Variants in KCNJ12 observed in about 807,000 individuals in gnomAD.
KCNJ12 encodes ATP-sensitive inward rectifier potassium channel 12.
In KCNJ12, 2 loss-of-function variants were observed where a neutral mutation model predicts 22.3. That is an observed-to-expected ratio of 0.09 (90% CI 0.04 to 0.28). KCNJ12 has a LOEUF of 0.28. KCNJ12 is among the 10% of genes least tolerant of loss of function. KCNJ12 has a pLI of 1.00. For missense variants in KCNJ12, 155 were observed against 633.3 expected, an observed-to-expected ratio of 0.24 and a Z score of 8.11; for synonymous variants, 117 against 261.4, an observed-to-expected ratio of 0.45 and a Z score of 5.33.
At chr17:21,389,667 G>A (rs1905161144) in intron 1 of KCNJ12, among the ~76,000 whole-genome samples, 1 of 152,108 alleles carries the variant, frequency 6.6e-6, no homozygotes. Flanking sequence ...GGTGTGGTGG[G>A]GCAGGGACGG....
intron 1 of KCNJ12, among the ~76,000 whole-genome samples, chr17:21,404,711 CT>C (rs1905829056): frequency 6.6e-6 from 1 of 152,272 alleles, no homozygotes. Flanking sequence ...TGTAGGGCCT[CT>C]GTTCTCTGCT....
At position 21,416,529 on chromosome 17, in the gene KCNJ12, A is replaced by AGGACGGCCGAAGCCG. The variant is rs1906819455; in HGVS notation, c.1196_1210dup (p.Arg399_Gly403dup). 1 of 1,611,580 alleles carries AGGACGGCCGAAGCCG rather than the reference A, an allele frequency of 6.2e-7. No individual in the cohort carries two copies. The highest frequency in any genetic ancestry group is 1.3e-5 in the African/African-American group (1 of 74,940). On this transcript the variant is annotated inframe_insertion, in exon 3 of 3. Transcript: ENST00000583088. ...GAGGAGGATGAGGCGGACGGAGACC[A>AGGACGGCCGAAGCCG]GGACGGCCGAAGCCGGGACGGCCTC...
chr17:21,394,882 G>T (rs569178552), intron 1 of KCNJ12, among the ~76,000 whole-genome samples: 3 of 152,316 alleles, frequency 2.0e-5, no homozygotes, highest in Admixed American at 2.0e-4. Flanking sequence ...CCCTGCTGGG[G>T]CCACAGCAAA....
Position 21,383,645 on chromosome 17 carries a change from A to T in KCNJ12, c.-179+6732A>T, listed in dbSNP as rs185464859. On this transcript the variant is annotated intron_variant, in intron 1 of 2. Transcript: ENST00000583088. ...CCCTGGGGATCCCCAATCACAAGCC[A>T]CCCCCAGCCTGTCCCCTGGATGTCC... Among the ~76,000 whole-genome samples, 52 of 152,196 alleles carry T rather than the reference A, an allele frequency of 3.4e-4. No individual in the cohort carries two copies. The East Asian group carries it at 6.0e-3, about 18-fold the overall frequency.
At chr17:21,399,119 C>T (rs1370887413) in intron 1 of KCNJ12, among the ~76,000 whole-genome samples, 4 of 152,222 alleles carry the variant, frequency 2.6e-5, no homozygotes, top group Non-Finnish European at 2.9e-5. Flanking sequence ...GAGGTGGAAG[C>T]GGCTGCATTC....
chr17:21,389,101 G>T (rs537666683), intron 1 of KCNJ12, among the ~76,000 whole-genome samples: 2 of 152,336 alleles, frequency 1.3e-5, no homozygotes, highest in South Asian at 4.1e-4. Context: ...AACTGCAGTT[G>T]TGCGGGGAGC....
chr17:21,382,251 G>A (rs1904893705), intron 1 of KCNJ12, among the ~76,000 whole-genome samples: 1 of 152,204 alleles, frequency 6.6e-6, no homozygotes, highest in African/African-American at 2.4e-5. Flanking sequence ...GATTCCTTCT[G>A]AGGATCACAA....
chr17:21,413,204 C>T (rs1597582167), intron 2 of KCNJ12, among the ~76,000 whole-genome samples: 2 of 121,076 alleles, frequency 1.7e-5, no homozygotes, highest in African/African-American at 2.5e-5. Flanking sequence ...TCACACAGAC[C>T]GGGGCTGAGT....
At chr17:21,414,729 G>T (rs1467387723) in intron 2 of KCNJ12, among the ~76,000 whole-genome samples, 1 of 152,312 alleles carries the variant, frequency 6.6e-6, no homozygotes, top group Admixed American at 6.5e-5. Context: ...TCCAGGGTGG[G>T]TTTGAGGGAC....
chr17:21,397,672 C>T (rs549748051), intron 1 of KCNJ12, among the ~76,000 whole-genome samples: 2 of 152,270 alleles, frequency 1.3e-5, no homozygotes, highest in South Asian at 2.1e-4. Flanking sequence ...AGGGTGTGGC[C>T]CAGAGTCCAC....
chr17:21,388,261 G>A (rs1905125902), intron 1 of KCNJ12, among the ~76,000 whole-genome samples: 1 of 152,170 alleles, frequency 6.6e-6, no homozygotes, highest in Admixed American at 6.5e-5. Context: ...CTCACCCAGG[G>A]ATGGGGAGCA....
At chr17:21,394,730 C>T (rs1442094399) in intron 1 of KCNJ12, among the ~76,000 whole-genome samples, 1 of 152,148 alleles carries the variant, frequency 6.6e-6, no homozygotes, top group Non-Finnish European at 1.5e-5. Context: ...AGGGCTGTGG[C>T]AGAGAGAAAC....
rs1490514748 is a variant in KCNJ12 at position 21,388,365 on chromosome 17, G to C, written c.-179+11452G>C. ...TCTTGCCTGCGCGTGGAGCCCGAGAGTGTGGCTCCTCACTGCCCAGAGGGA... is the reference window on the plus strand; with the variant it reads ...TCTTGCCTGCGCGTGGAGCCCGAGACTGTGGCTCCTCACTGCCCAGAGGGA... On this transcript the variant is annotated intron_variant, in intron 1 of 2. Coordinates refer to ENST00000583088, the MANE Select transcript of KCNJ12 (RefSeq NM_021012.5). Among the ~76,000 whole-genome samples, 16 of 152,346 alleles carry C rather than the reference G, an allele frequency of 1.1e-4. No individual in the cohort carries two copies. The South Asian group carries it at 3.3e-3, about 32-fold the overall frequency.
At chr17:21,388,547 C>T (rs2144774634) in intron 1 of KCNJ12, among the ~76,000 whole-genome samples, 1 of 152,318 alleles carries the variant, frequency 6.6e-6, no homozygotes, top group Non-Finnish European at 1.5e-5. Context: ...TTGGGATCCC[C>T]AGCAATACAA....
At chr17:21,382,009 G>A (rs1555557981) in intron 1 of KCNJ12, among the ~76,000 whole-genome samples, 1 of 152,234 alleles carries the variant, frequency 6.6e-6, no homozygotes, top group Non-Finnish European at 1.5e-5. Flanking sequence ...CCTCAGAGAG[G>A]TCACTGTCCA....
chr17:21,398,684 C>T (rs1905466504), intron 1 of KCNJ12, among the ~76,000 whole-genome samples: 1 of 152,240 alleles, frequency 6.6e-6, no homozygotes, highest in South Asian at 2.1e-4. Flanking sequence ...TCCCTACTCC[C>T]AAATCCTTGA....
Position 21,417,001 on chromosome 17 carries a change from G to T in KCNJ12, c.*357G>T, listed in dbSNP as rs1235950192. Reference sequence around the variant, plus strand: ...TGCTGTCCAAGGCTGGCTAGCTGCGGTGCTCCTTGCTGGTTTTTAACTTGG... The same window carrying T: ...TGCTGTCCAAGGCTGGCTAGCTGCGTTGCTCCTTGCTGGTTTTTAACTTGG... On this transcript the variant is annotated 3_prime_UTR_variant, in exon 3 of 3. Coordinates refer to ENST00000583088, the MANE Select transcript of KCNJ12 (RefSeq NM_021012.5). 4 of 363,412 alleles carry T rather than the reference G, an allele frequency of 1.1e-5. No individual in the cohort carries two copies. Among genetic ancestry groups the T allele is most frequent in the Non-Finnish European group, 2.1e-5 (4 of 193,056 alleles). 22.5% of individuals were successfully genotyped at this position (363,412 alleles called of 1,614,324 possible).
In KCNJ12 at chr17:21,416,666, G is replaced by A. The variant is rs782021622; in HGVS notation, c.*22G>A. On this transcript the variant is annotated 3_prime_UTR_variant, in exon 3 of 3. Coordinates refer to ENST00000583088, the MANE Select transcript of KCNJ12 (RefSeq NM_021012.5). Reference sequence around the variant, plus strand: ...CTGAGCCAACCTTGGCCGACATGCAGCATCCACCCCCGGCTGGGGAGAGGC... The same window carrying A: ...CTGAGCCAACCTTGGCCGACATGCAACATCCACCCCCGGCTGGGGAGAGGC... 5.7e-6 allele frequency: 9 copies of A among 1,575,022 alleles called. No homozygotes were observed. The highest frequency in any genetic ancestry group is 6.0e-6 in the Non-Finnish European group (7 of 1,162,326).
intron 1 of KCNJ12, among the ~76,000 whole-genome samples, chr17:21,386,596 C>T (rs1905078018): frequency 6.6e-6 from 1 of 152,138 alleles, no homozygotes; most frequent in South Asian, 2.1e-4. Flanking sequence ...CAACCTCCAC[C>T]TGCCAGGTTC....
Sources: gnomAD v4.1 joint callset for allele counts (sites outside exome capture counted in the v4.1 genomes callset) on GRCh38, gnomAD v4.1.1 for gene constraint, MANE v1.5 for transcripts, NCBI Gene and HGNC (gene_info 2026-07-23, HGNC 2026-07-21) for gene names.